CMSS1: variants seen among roughly 807,000 people sequenced by gnomAD.
The protein encoded by CMSS1 is protein CMSS1.
Under a neutral mutation model 43.5 loss-of-function variants are expected in CMSS1, and 33 were observed. The observed-to-expected ratio is 0.76, with a 90% confidence interval of 0.57 to 1.01. CMSS1 has a LOEUF of 1.01. Among genes scored for constraint, CMSS1 ranks in the 50% least tolerant of loss-of-function variants. The pLI, the probability that CMSS1 is intolerant of heterozygous loss-of-function variation, is 0.00. For missense variants in CMSS1, 313 were observed against 326.4 expected (o/e 0.96, Z 0.32); for synonymous variants, 115 against 117.2 (o/e 0.98, Z 0.12).
intron 1 of CMSS1, among the ~76,000 whole-genome samples, chr3:99,927,012 C>T (rs942867448): frequency 3.3e-5 from 5 of 152,174 alleles, no homozygotes; most frequent in Admixed American, 6.5e-5. Flanking sequence ...AGGCCCTTCA[C>T]CATCTGAACC....
At chr3:100,076,112 T>G (rs375532735) in intron 1 of CMSS1, among the ~76,000 whole-genome samples, 2 of 152,228 alleles carry the variant, frequency 1.3e-5, no homozygotes, top group African/African-American at 4.8e-5. Flanking sequence ...ATCTGCCATA[T>G]GTATAATTAA....
intron 9 of CMSS1, 150 bp downstream of exon 9, chr3:100,176,565 A>C (rs2067150181): frequency 6.8e-6 from 4 of 588,002 alleles, no homozygotes; most frequent in Non-Finnish European, 1.2e-5. Context: ...AACTATAATT[A>C]TAGAGGCCAC....
intron 1 of CMSS1, among the ~76,000 whole-genome samples, chr3:99,927,242 A>C (rs909909706): frequency 4.6e-5 from 7 of 152,374 alleles, no homozygotes; most frequent in African/African-American, 1.4e-4. Context: ...ATAAAATTAA[A>C]TTTAAAAGCT....
intron 1 of CMSS1, among the ~76,000 whole-genome samples, chr3:100,098,121 A>G (rs2066242943): frequency 6.6e-6 from 1 of 152,156 alleles, no homozygotes; most frequent in South Asian, 2.1e-4. Flanking sequence ...GTTATTGCCA[A>G]CCCACTGGAG....
In CMSS1 at chr3:99,845,000, T is replaced by C. The variant is rs540604437; in HGVS notation, c.64+26957T>C. ...ATAAATTACCCAGTCTCAGGTATTCTTTATAGCAGTATAAAAATGGACTAA... is the reference window on the plus strand; with the variant it reads ...ATAAATTACCCAGTCTCAGGTATTCCTTATAGCAGTATAAAAATGGACTAA... On this transcript the variant is annotated intron_variant, in intron 1 of 9. Transcript: ENST00000421999. 2.2e-4 allele frequency among the ~76,000 whole-genome samples: 33 copies of C among 152,338 alleles called. No homozygotes were observed. In the South Asian group the frequency reaches 3.1e-3, roughly 14 times the overall value.
At chr3:100,128,759 A>T (rs577080782) in intron 1 of CMSS1, among the ~76,000 whole-genome samples, 14 of 152,292 alleles carry the variant, frequency 9.2e-5, no homozygotes, top group Non-Finnish European at 1.3e-4. Flanking sequence ...ATCATACAGG[A>T]TGTACTTCAT....
chr3:100,153,857 T>G (rs149616073), intron 2 of CMSS1, among the ~76,000 whole-genome samples: 4 of 152,104 alleles, frequency 2.6e-5, no homozygotes, highest in Non-Finnish European at 5.9e-5. Context: ...TCTTTTTTTT[T>G]TCTTTTTTTT....
chr3:99,961,660 T>C (rs1016745127), intron 1 of CMSS1, among the ~76,000 whole-genome samples: 2 of 152,202 alleles, frequency 1.3e-5, no homozygotes, highest in Non-Finnish European at 1.5e-5. Flanking sequence ...GGTGCCTCTT[T>C]TTGAAGCTAC....
At chr3:100,146,628 A>T (rs945259944) in intron 1 of CMSS1, among the ~76,000 whole-genome samples, 4 of 152,230 alleles carry the variant, frequency 2.6e-5, no homozygotes, top group African/African-American at 9.6e-5. Context: ...TCTAGCCCTG[A>T]CCACTTACTA....
At chr3:99,915,190 C>T (rs375160309) in intron 1 of CMSS1, among the ~76,000 whole-genome samples, 49 of 152,238 alleles carry the variant, frequency 3.2e-4, no homozygotes, top group African/African-American at 1.2e-3. Context: ...CATGACCATG[C>T]TAACCGAAGG....
chr3:99,981,594 C>T (rs1045154889), intron 1 of CMSS1, among the ~76,000 whole-genome samples: 1 of 152,074 alleles, frequency 6.6e-6, no homozygotes, highest in African/African-American at 2.4e-5. Flanking sequence ...GTATTTAATG[C>T]AGATTTAATG....
chr3:100,080,198 G>C (rs1245215107), intron 1 of CMSS1, among the ~76,000 whole-genome samples: 2 of 151,992 alleles, frequency 1.3e-5, no homozygotes, highest in African/African-American at 4.8e-5. Context: ...TGCCCAGGCT[G>C]GTCTCAAACT....
chr3:100,018,638 T>C (rs1710413008), intron 1 of CMSS1, among the ~76,000 whole-genome samples: 3 of 150,982 alleles, frequency 2.0e-5, no homozygotes, highest in African/African-American at 7.3e-5. Context: ...TTGACATGAG[T>C]CTGGGTAGGG....
chr3:100,047,984 A>G (rs542608939), intron 1 of CMSS1, among the ~76,000 whole-genome samples: 65 of 152,300 alleles, frequency 4.3e-4, no homozygotes, highest in African/African-American at 1.5e-3. Flanking sequence ...TAGTGTAAAT[A>G]TACCCTCCTA....
chr3:99,945,346 T>A (rs570775463), intron 1 of CMSS1, among the ~76,000 whole-genome samples: 1 of 152,216 alleles, frequency 6.6e-6, no homozygotes, highest in Non-Finnish European at 1.5e-5. Context: ...GTTGCGTAGA[T>A]CTGGACCTCA....
chr3:100,022,853 A>G (rs2064851011), intron 1 of CMSS1, among the ~76,000 whole-genome samples: 1 of 152,180 alleles, frequency 6.6e-6, no homozygotes, highest in Non-Finnish European at 1.5e-5. Flanking sequence ...TAGAGTCAGA[A>G]TATTCAAAGT....
chr3:99,830,776 T>C (rs1038803643), intron 1 of CMSS1, among the ~76,000 whole-genome samples: 2 of 152,192 alleles, frequency 1.3e-5, no homozygotes, highest in African/African-American at 4.8e-5. Flanking sequence ...AGTAAAGTAA[T>C]CTGGTGTGTG....
chr3:100,131,051 T>G (rs754337518), intron 1 of CMSS1, among the ~76,000 whole-genome samples: 3 of 152,234 alleles, frequency 2.0e-5, no homozygotes, highest in Non-Finnish European at 4.4e-5. Context: ...ATGGTTATGA[T>G]GACCATTTTG....
intron 1 of CMSS1, among the ~76,000 whole-genome samples, chr3:100,084,063 C>T (rs1256632989): frequency 6.6e-6 from 1 of 152,132 alleles, no homozygotes; most frequent in Non-Finnish European, 1.5e-5. Flanking sequence ...ATTAAAATTT[C>T]TGCTACCCCC....
Sources: allele counts gnomAD v4.1 joint callset (sites outside exome capture counted in the v4.1 genomes callset), GRCh38; gene constraint gnomAD v4.1.1; transcripts MANE v1.5; gene names NCBI Gene and HGNC (gene_info 2026-07-23, HGNC 2026-07-21).